UBN2: variants seen among roughly 807,000 people sequenced by gnomAD.
UBN2 encodes ubinuclein 2.
UBN2 carries 35 observed loss-of-function variants against 120.2 expected under a neutral mutation model. The ratio of observed to expected loss-of-function variants is 0.29; its 90% CI spans 0.22 to 0.39. The LOEUF is 0.39. Among genes scored for constraint, UBN2 ranks in the 10% least tolerant of loss-of-function variants. The pLI, the probability that UBN2 is intolerant of heterozygous loss-of-function variation, is 1.00. For missense variants in UBN2, 1,693 were observed against 1,663.2 expected (o/e 1.02, Z -0.31); for synonymous variants, 661 against 648.7 (o/e 1.02, Z -0.29).
At chr7:139,287,445 C>T (rs1363817228) in intron 15 of UBN2, among the ~76,000 whole-genome samples, 1 of 152,102 alleles carries the variant, frequency 6.6e-6, no homozygotes, top group Admixed American at 6.5e-5. Flanking sequence ...CCTTTGTCAT[C>T]TCTACAGTCT....
In UBN2 at chr7:139,282,181, TTAAAAA is replaced by T. The variant is rs1326537846; in HGVS notation, c.2118+132_2118+137del. 2.4e-4 allele frequency: 162 copies of T among 669,560 alleles called. No homozygotes were observed. In the African/African-American group the frequency reaches 2.6e-3, roughly 11 times the overall value. 41.5% of individuals were successfully genotyped at this position (669,560 alleles called of 1,614,324 possible). On this transcript the variant is annotated intron_variant, in intron 14 of 17. Transcript: ENST00000473989. ...TGTAATAGGCTTTTGCTTCTCAGTC[TTAAAAA>T]TAAAATGAGTCAAATACTTTTATCT...
chr7:139,266,226 C>CAAAAA (rs377760158), intron 6 of UBN2, 107 bp from the exon 7 acceptor site: 7 of 345,504 alleles, frequency 2.0e-5, no homozygotes, highest in African/African-American at 4.8e-5. Flanking sequence ...GGCCCTATCT[C>CAAAAA]AAAAAAAAAA....
At chr7:139,244,667 C>A (rs1213053750) in intron 2 of UBN2, among the ~76,000 whole-genome samples, 1 of 151,952 alleles carries the variant, frequency 6.6e-6, no homozygotes, top group Non-Finnish European at 1.5e-5. Context: ...GTTGTGTATT[C>A]TTTGAGCATT....
rs143872256 is a variant in UBN2, at chr7:139,293,039, G to A, written c.3670-193G>A. Among the ~76,000 whole-genome samples the A allele has an allele frequency of 1.8e-4, 28 of 152,262 alleles. 2 individuals carry two copies. Among genetic ancestry groups the A allele is most frequent in the South Asian group, 8.3e-4 (4 of 4,828 alleles). Reference sequence around the variant, plus strand: ...GGGAATTAGTAGATTGAGAGAGTGCGTGGGTGTTCATGTAAGTGCCACTAA... The same window carrying A: ...GGGAATTAGTAGATTGAGAGAGTGCATGGGTGTTCATGTAAGTGCCACTAA... On this transcript the variant is annotated intron_variant, in intron 15 of 17. Transcript: ENST00000473989.
intron 13 of UBN2, among the ~76,000 whole-genome samples, chr7:139,280,790 C>T (rs960540842): frequency 2.0e-5 from 3 of 152,268 alleles, no homozygotes; most frequent in African/African-American, 7.2e-5. Context: ...GGACTACAGG[C>T]GCACACCACC....
Position 139,273,467 on chromosome 7 carries a change from T to TA in UBN2, c.1829+66dup, listed in dbSNP as rs370408558. 6.1e-3 allele frequency: 6,843 copies of TA among 1,129,414 alleles called. 32 individuals are homozygous for TA. Among genetic ancestry groups the TA allele is most frequent in the African/African-American group, 0.034 (2,122 of 62,782 alleles). 70.0% of individuals were successfully genotyped at this position (1,129,414 alleles called of 1,614,324 possible). On this transcript the variant is annotated intron_variant, in intron 10 of 17. Coordinates refer to ENST00000473989, the MANE Select transcript of UBN2 (RefSeq NM_173569.4). ...ATAATGCAGAAGTAAGATTCCTCAT[T>TA]AAAAAAAAATCTATAATAAATATAA... is the stretch of plus-strand genomic sequence containing the variant.
Position 139,261,641 on chromosome 7 carries a change from C to G in UBN2, c.1295C>G (p.Thr432Ser). The G allele has an allele frequency of 6.2e-7, 1 of 1,614,192 alleles. No individual in the cohort carries two copies. The highest frequency in any genetic ancestry group is 2.2e-5 in the East Asian group (1 of 44,884). ...SESGGENGTT[T>S]QPTYTSQVMP... ...TCGGGGGGTGAAAATGGAACCACCA[C>G]CCAGCCAACCTACACTTCTCAGGTT... is the stretch of plus-strand genomic sequence containing the variant. The change falls in exon 6 of 18, where the codon ACC becomes AGC. Residue 432 changes from threonine (T) to serine (S), a missense_variant. Physicochemically the swap from Thr to Ser is moderately conservative, Grantham distance 58. This residue lies in a region of UBN2 where 663 missense variants were observed against 591.2 expected (regional missense o/e 1.12). Coordinates refer to ENST00000473989, the MANE Select transcript of UBN2 (RefSeq NM_173569.4).
intron 3 of UBN2, 49 bp downstream of exon 3, chr7:139,252,106 A>T: frequency 6.7e-7 from 1 of 1,494,506 alleles, no homozygotes; most frequent in Non-Finnish European, 9.3e-7. Context: ...TTTGTATGGG[A>T]TAGTAGAAGT....
intron 1 of UBN2, among the ~76,000 whole-genome samples, chr7:139,232,209 CGTTTTCT>C (rs1796043768): frequency 6.6e-6 from 1 of 151,856 alleles, no homozygotes; most frequent in African/African-American, 2.4e-5. Context: ...GCGCCGAGCT[CGTTTTCT>C]TGTGCACCTT....
Position 139,306,000 on chromosome 7 carries a change from G to A in UBN2, c.*8164G>A, listed in dbSNP as rs558258629. ...TCACAAAATTTTCTACACATTATTT[G>A]TTCCCACTTTGCTAATAATAATATA... On this transcript the variant is annotated 3_prime_UTR_variant, in exon 18 of 18. Transcript: ENST00000473989. 1 of 152,024 alleles carries A rather than the reference G, an allele frequency of 6.6e-6. No individual in the cohort carries two copies. Among genetic ancestry groups the A allele is most frequent in the Non-Finnish European group, 1.5e-5 (1 of 67,996 alleles). 9.4% of individuals were successfully genotyped at this position (152,024 alleles called of 1,614,324 possible).
At chr7:139,249,731 G>C (rs747391652) in intron 2 of UBN2, among the ~76,000 whole-genome samples, 3 of 151,842 alleles carry the variant, frequency 2.0e-5, no homozygotes, top group Admixed American at 2.0e-4. Flanking sequence ...TTTGAGATAG[G>C]GTCTCGCTCT....
At position 139,272,289 on chromosome 7, in the gene UBN2, T is replaced by G. The variant is rs80346298; in HGVS notation, c.1597-33T>G. ...GCTTACAAGATTTCGTAAATATGTC[T>G]GATAAAAACTTCTAGTATGTTTTTC... On this transcript the variant is annotated intron_variant, in intron 8 of 17. Coordinates refer to ENST00000473989, the MANE Select transcript of UBN2 (RefSeq NM_173569.4). The G allele has an allele frequency of 1.5e-3, 2,246 of 1,514,540 alleles. 25 individuals are homozygous for G. The African/African-American group carries it at 0.028, about 19-fold the overall frequency. 93.8% of individuals were successfully genotyped at this position (1,514,540 alleles called of 1,614,324 possible).
At chr7:139,315,067 C>A in the UBN2 span, among the ~76,000 whole-genome samples, 1 of 151,874 alleles carries the variant, frequency 6.6e-6, no homozygotes, top group Non-Finnish European at 1.5e-5. Flanking sequence ...GCTCCGCCTC[C>A]CGGGTTCACG....
At chr7:139,320,577 T>G in the UBN2 span, among the ~76,000 whole-genome samples, 1 of 151,462 alleles carries the variant, frequency 6.6e-6, no homozygotes, top group Non-Finnish European at 1.5e-5. Flanking sequence ...GTGCTGGGAT[T>G]GTAGTTGCAG....
intron 5 of UBN2, among the ~76,000 whole-genome samples, chr7:139,260,056 A>G (rs1796884759): frequency 6.6e-6 from 1 of 151,548 alleles, no homozygotes; most frequent in Non-Finnish European, 1.5e-5. Flanking sequence ...GATGTGAGCC[A>G]CTGCACCCAG....
chr7:139,243,286 T>A (rs1220080896), intron 2 of UBN2, among the ~76,000 whole-genome samples: 2 of 152,108 alleles, frequency 1.3e-5, no homozygotes, highest in African/African-American at 4.8e-5. Context: ...ATAGCAAAAT[T>A]CAAGGGTTTT....
At chr7:139,252,466 G>C (rs1360699413) in intron 3 of UBN2, among the ~76,000 whole-genome samples, 1 of 152,132 alleles carries the variant, frequency 6.6e-6, no homozygotes, top group Non-Finnish European at 1.5e-5. Flanking sequence ...TCTATGGTCT[G>C]TGAAATTTAA....
At chr7:139,282,918 A>T in intron 14 of UBN2, 106 bp from the exon 15 acceptor site, 2 of 1,058,050 alleles carry the variant, frequency 1.9e-6, no homozygotes, top group African/African-American at 1.6e-5. Context: ...GATTTCCAGT[A>T]GAAAAACAAT....
In UBN2 at chr7:139,300,366, C is replaced by T. The variant is rs1467138659; in HGVS notation, c.*2530C>T. Reference sequence around the variant, plus strand: ...TATTTCTGTATAGATAAAGTATGATCAGAGAGTTTCTACATGTAAATAGTA... The same window carrying T: ...TATTTCTGTATAGATAAAGTATGATTAGAGAGTTTCTACATGTAAATAGTA... On this transcript the variant is annotated 3_prime_UTR_variant, in exon 18 of 18. Coordinates refer to ENST00000473989, the MANE Select transcript of UBN2 (RefSeq NM_173569.4). The T allele has an allele frequency of 6.6e-6, 1 of 152,010 alleles. No individual in the cohort carries two copies. The highest frequency in any genetic ancestry group is 2.4e-5 in the African/African-American group (1 of 41,376). The allele number at this position is 152,010 out of a possible 1,614,324, so 9.4% of individuals were successfully genotyped here.
Sources: allele counts gnomAD v4.1 joint callset (sites outside exome capture counted in the v4.1 genomes callset), GRCh38; gene constraint gnomAD v4.1.1; regional missense constraint gnomAD v4.1.1; transcripts MANE v1.5; gene names NCBI Gene and HGNC (gene_info 2026-07-23, HGNC 2026-07-21).